MX1: variants seen among roughly 807,000 people sequenced by gnomAD.
MX1 encodes the protein interferon-induced GTP-binding protein Mx1.
Under a neutral mutation model 66.4 loss-of-function variants are expected in MX1, and 66 were observed. The ratio of observed to expected loss-of-function variants is 0.99; its 90% CI spans 0.82 to 1.22. MX1 has a LOEUF of 1.22. MX1 is among the 50% of genes most tolerant of loss of function. MX1 has a pLI of 0.00. For missense variants in MX1, 787 were observed against 834.3 expected (o/e 0.94, Z 0.70); for synonymous variants, 311 against 318.1 (o/e 0.98, Z 0.24).
At chr21:41,444,139 G>T (rs462698) in intron 11 of MX1, among the ~76,000 whole-genome samples, 2,895 of 151,790 alleles carry the variant, frequency 0.019, 137 homozygotes, top group East Asian at 0.16. Flanking sequence ...AAAATCTTAT[G>T]CACAAGCTAC....
At chr21:41,429,848 C>A (rs1244913347) in intron 3 of MX1, 2 of 141,972 alleles carry the variant, frequency 1.4e-5, no homozygotes, top group African/African-American at 5.4e-5. Context: ...GTGGAGGTTG[C>A]AGTGAGCCAA....
At chr21:41,438,882 T>A (rs2090432351) in intron 7 of MX1, among the ~76,000 whole-genome samples, 2 of 152,190 alleles carry the variant, frequency 1.3e-5, no homozygotes, top group Non-Finnish European at 2.9e-5. Context: ...GGGTGTGGCC[T>A]CTGTTTCCAA....
At chr21:41,434,863 G>A (rs2146140995) in intron 5 of MX1, among the ~76,000 whole-genome samples, 1 of 152,288 alleles carries the variant, frequency 6.6e-6, no homozygotes, top group Non-Finnish European at 1.5e-5. Flanking sequence ...ACCCCTTCTA[G>A]TATAGACTCC....
At chr21:41,442,812 T>C (rs1374478193) in intron 10 of MX1, 1 of 152,238 alleles carries the variant, frequency 6.6e-6, no homozygotes, top group Non-Finnish European at 1.5e-5. Context: ...TGCTACAACA[T>C]GGATGAAGCT....
chr21:41,434,427 G>C lies in MX1; in HGVS notation c.106-1410G>C, dbSNP rs187746113. Reference sequence around the variant, plus strand: ...AAGTCATTTTGACTAAGAATATTTAGATCATTTCTATTTAATGTGACTGGT... The same window carrying C: ...AAGTCATTTTGACTAAGAATATTTACATCATTTCTATTTAATGTGACTGGT... On this transcript the variant is annotated intron_variant, in intron 5 of 16. Transcript: ENST00000398598. Among the ~76,000 whole-genome samples, 332 of 152,230 alleles carry C rather than the reference G, an allele frequency of 2.2e-3. 1 individual carries two copies. Among genetic ancestry groups the C allele is most frequent in the Non-Finnish European group, 3.8e-3 (257 of 68,006 alleles).
rs111358936 is a variant in MX1, at chr21:41,435,540, A to G, written c.106-297A>G. On this transcript the variant is annotated intron_variant, in intron 5 of 16. Coordinates refer to ENST00000398598, the MANE Select transcript of MX1 (RefSeq NM_002462.5). ...CACATGGCTGGGGAGGCCTCAGGAA[A>G]CTTACAATCATGGAGGAAGGCATCT... Among the ~76,000 whole-genome samples the G allele has an allele frequency of 3.7e-3, 557 of 152,298 alleles. 2 individuals carry two copies. The highest frequency in any genetic ancestry group is 6.3e-3 in the Non-Finnish European group (427 of 68,032).
rs775713278 is a variant in MX1, at chr21:41,441,034, G to A, written c.730+9G>A. On this transcript the variant is annotated intron_variant, in intron 9 of 16. Transcript: ENST00000398598. The surrounding 1 kb of genome is among the most constrained non-coding windows in gnomAD (Gnocchi z 4.0). ...GGGAGACAGGACCATCGGTGAGAGT[G>A]GGGGAGCCCCACTGTGCTCAGTGAG... 3.1e-6 allele frequency: 5 copies of A among 1,612,388 alleles called. No individual in the cohort carries two copies. Among genetic ancestry groups the A allele is most frequent in the Non-Finnish European group, 4.2e-6 (5 of 1,179,476 alleles).
At position 41,439,772 on chromosome 21, in the gene MX1, C is replaced by G; in HGVS notation, c.515C>G (p.Pro172Arg). 1 of 1,613,974 alleles carries G rather than the reference C, an allele frequency of 6.2e-7. No homozygotes were observed. The highest frequency in any genetic ancestry group is 2.2e-5 in the East Asian group (1 of 44,882). The change falls in exon 8 of 17, where the codon CCG becomes CGG. Residue 172 changes from proline (P) to arginine (R), a missense_variant. By Grantham distance (103) the Pro-to-Arg change is moderately radical (BLOSUM62 -2). Coordinates refer to ENST00000398598, the MANE Select transcript of MX1 (RefSeq NM_002462.5). ...ITLEISSRDV[P>R]DLTLIDLPGI... ...CTGGAGATCAGCTCCCGAGATGTCC[C>G]GGATCTGACTCTAATAGACCTTCCT...
Position 41,452,663 on chromosome 21 carries a change from G to C in MX1, c.1552G>C (p.Glu518Gln). Reference sequence around the variant, plus strand: ...TAGAGCAGAACAAGAGAGAGAAGGTGAGAAGCTGATCCGCCTCCACTTCCA... The same window carrying C: ...TAGAGCAGAACAAGAGAGAGAAGGTCAGAAGCTGATCCGCCTCCACTTCCA... Reference protein sequence around the residue: ...DIRAEQEREGEKLIRLHFQME... With the variant: ...DIRAEQEREGQKLIRLHFQME... Residue 518 changes from glutamate (E) to glutamine (Q), a missense_variant, in exon 16 of 17, where the codon GAG becomes CAG. Transcript: ENST00000398598. 1 of 1,614,200 alleles carries C rather than the reference G, an allele frequency of 6.2e-7. No individual in the cohort carries two copies. The highest frequency in any genetic ancestry group is 8.5e-7 in the Non-Finnish European group (1 of 1,180,028).
At chr21:41,444,082 CA>C (rs2090592325) in intron 11 of MX1, among the ~76,000 whole-genome samples, 1 of 152,070 alleles carries the variant, frequency 6.6e-6, no homozygotes, top group African/African-American at 2.4e-5. Flanking sequence ...GGACCACAGT[CA>C]GGGGGAATGC....
chr21:41,440,006 C>T (rs914992409), intron 8 of MX1, among the ~76,000 whole-genome samples, 158 bp downstream of exon 8: 2 of 152,084 alleles, frequency 1.3e-5, no homozygotes, highest in African/African-American at 2.4e-5. Flanking sequence ...TTAGAGAGCC[C>T]GTTGGTCACA....
Position 41,441,588 on chromosome 21 carries a change from A to T in MX1, c.731-128A>T. ...GGCTCCACTGCCCCCATGGTTCTGC[A>T]GGGGCTATGGCCTGTCCTCAAGCAA... On this transcript the variant is annotated intron_variant, in intron 9 of 16. Transcript: ENST00000398598. This position sits in a 1 kb window ranked among gnomAD's most constrained non-coding sequence, Gnocchi z 4.0. The T allele has an allele frequency of 1.1e-6, 1 of 931,436 alleles. No homozygotes were observed. Among genetic ancestry groups the T allele is most frequent in the Non-Finnish European group, 1.7e-6 (1 of 580,790 alleles). 57.7% of individuals were successfully genotyped at this position (931,436 alleles called of 1,614,324 possible).
At chr21:41,440,532 T>A (rs1048098015) in intron 8 of MX1, among the ~76,000 whole-genome samples, 75 of 152,210 alleles carry the variant, frequency 4.9e-4, no homozygotes, top group Non-Finnish European at 5.0e-4. Context: ...AATGATATTT[T>A]AGTATCAGTG....
At chr21:41,448,604 G>T (rs1374956847) in intron 13 of MX1, among the ~76,000 whole-genome samples, 1 of 152,130 alleles carries the variant, frequency 6.6e-6, no homozygotes, top group Non-Finnish European at 1.5e-5. Context: ...AGGAAATTGA[G>T]ACCATCCTGG....
At chr21:41,426,918 A>G (rs925027139) in intron 1 of MX1, 1 of 152,250 alleles carries the variant, frequency 6.6e-6, no homozygotes, top group Non-Finnish European at 1.5e-5. Context: ...CTCGGGGTCC[A>G]TCGTAGTTGG....
At chr21:41,457,979 G>A (rs986355247) in intron 16 of MX1, among the ~76,000 whole-genome samples, 3 of 152,084 alleles carry the variant, frequency 2.0e-5, no homozygotes, top group Non-Finnish European at 4.4e-5. Flanking sequence ...TCATCCAGGT[G>A]GTAGCAAGTG....
Position 41,439,685 on chromosome 21 carries a change from C to T in MX1, c.437-9C>T, listed in dbSNP as rs896208248. ...TGTTTGGGTTTGATTTTCCCTGTCT[C>T]TTTTCTAGCCCAGAATGCCATCGCC... is the stretch of plus-strand genomic sequence containing the variant. On this transcript the variant is annotated splice_polypyrimidine_tract_variant and intron_variant, in intron 7 of 16. Transcript: ENST00000398598. The T allele has an allele frequency of 5.0e-6, 8 of 1,612,570 alleles. No individual in the cohort carries two copies. Among genetic ancestry groups the T allele is most frequent in the Non-Finnish European group, 6.8e-6 (8 of 1,178,808 alleles).
chr21:41,421,445 G>A (rs2089992761), upstream of MX1: 1 of 154,606 alleles, frequency 6.5e-6, no homozygotes, highest in African/African-American at 2.4e-5. Context: ...GGACGGTCAG[G>A]TCTTTCCCTT....
At chr21:41,458,472 A>ACAGT in intron 16 of MX1, 56 bp from the exon 17 acceptor site, 1 of 1,572,018 alleles carries the variant, frequency 6.4e-7, no homozygotes, top group South Asian at 1.2e-5. Flanking sequence ...GTGAGGTCAG[A>ACAGT]GTCCCCTCCT....
Sources: gnomAD v4.1 joint callset for allele counts (sites outside exome capture counted in the v4.1 genomes callset) on GRCh38, gnomAD v4.1.1 for gene constraint, Gnocchi (gnomAD v3.1) non-coding constraint, MANE v1.5 for transcripts, NCBI Gene and HGNC (gene_info 2026-07-23, HGNC 2026-07-21) for gene names.